The following ENPP3 variants were observed in gnomAD, a reference collection of about 807,000 sequenced individuals.
ENPP3 encodes ectonucleotide pyrophosphatase/phosphodiesterase 3, also known as ectonucleotide pyrophosphatase/phosphodiesterase family member 3.
ENPP3 carries 104 observed loss-of-function variants against 117.8 expected under a neutral mutation model. That is an observed-to-expected ratio of 0.88 (90% CI 0.75 to 1.04). ENPP3 has a LOEUF of 1.04. ENPP3 is among the 50% of genes least tolerant of loss of function. The pLI is 0.00. For synonymous variants in ENPP3, 380 were observed against 349.9 expected, an observed-to-expected ratio of 1.09 and a Z score of -0.96; for missense variants, 1,026 against 1,051.9, an observed-to-expected ratio of 0.98 and a Z score of 0.34.
intron 9 of ENPP3, chr6:131,675,443 G>T: frequency 2.7e-6 from 1 of 373,328 alleles, no homozygotes; most frequent in Non-Finnish European, 4.9e-6. Context: ...GTCATCTCTT[G>T]CCTGTATTAA....
At chr6:131,676,428 T>A (rs759357325) in intron 9 of ENPP3, among the ~76,000 whole-genome samples, 2 of 152,198 alleles carry the variant, frequency 1.3e-5, no homozygotes, top group Non-Finnish European at 2.9e-5. Context: ...ATGTTCAATA[T>A]ATGCATATGC....
chr6:131,652,456 A>G, intron 3 of ENPP3, 86 bp from the exon 4 acceptor site: 1 of 1,310,780 alleles, frequency 7.6e-7, no homozygotes, highest in Non-Finnish European at 1.1e-6. Context: ...TGATTGTGTT[A>G]TTATAATATA....
chr6:131,654,377 C>G (rs1189551617), intron 5 of ENPP3, among the ~76,000 whole-genome samples: 1 of 152,010 alleles, frequency 6.6e-6, no homozygotes, highest in Non-Finnish European at 1.5e-5. Context: ...CTGAACTCAA[C>G]TGATCCTCCT....
At chr6:131,687,617 T>G (rs1434763339) in intron 14 of ENPP3, among the ~76,000 whole-genome samples, 1 of 151,868 alleles carries the variant, frequency 6.6e-6, no homozygotes, top group Non-Finnish European at 1.5e-5. Context: ...AGGCCTAATA[T>G]CCAGAATCTA....
At chr6:131,640,153 T>G (rs921585070) in intron 1 of ENPP3, among the ~76,000 whole-genome samples, 1 of 152,206 alleles carries the variant, frequency 6.6e-6, no homozygotes, top group Non-Finnish European at 1.5e-5. Flanking sequence ...CTAGCAAGTT[T>G]GAACAGCAAA....
rs1485203018 is a variant in ENPP3, at chr6:131,747,012, A to G, written c.*56A>G. 2 of 944,828 alleles carry G rather than the reference A, an allele frequency of 2.1e-6. No individual in the cohort carries two copies. Among genetic ancestry groups the G allele is most frequent in the South Asian group, 2.8e-5 (1 of 36,304 alleles). 58.5% of individuals were successfully genotyped at this position (944,828 alleles called of 1,614,324 possible). On this transcript the variant is annotated 3_prime_UTR_variant, in exon 25 of 25. Coordinates refer to ENST00000357639, the MANE Select transcript of ENPP3 (RefSeq NM_005021.5). ...CTGTATAAAGTAATTTTGGCAAAATATAAGTGATTTTTTTCTGGAGAATTG... is the reference window on the plus strand; with the variant it reads ...CTGTATAAAGTAATTTTGGCAAAATGTAAGTGATTTTTTTCTGGAGAATTG...
chr6:131,743,119 G>C (rs1780562994), intron 24 of ENPP3, among the ~76,000 whole-genome samples: 1 of 152,022 alleles, frequency 6.6e-6, no homozygotes, highest in Non-Finnish European at 1.5e-5. Flanking sequence ...TTAGATATGG[G>C]GAAGGGAAAG....
At chr6:131,691,104 G>A (rs570421032) in intron 14 of ENPP3, among the ~76,000 whole-genome samples, 52 of 152,064 alleles carry the variant, frequency 3.4e-4, no homozygotes, top group African/African-American at 1.1e-3. Flanking sequence ...CCAAAGAAAT[G>A]GGCTACCATT....
At chr6:131,735,983 C>G (rs1250802122) in intron 21 of ENPP3, among the ~76,000 whole-genome samples, 1 of 152,156 alleles carries the variant, frequency 6.6e-6, no homozygotes, top group Non-Finnish European at 1.5e-5. Flanking sequence ...AGTGTTCTTA[C>G]CAAAATGAAA....
chr6:131,710,800 C>G (rs766138979), intron 15 of ENPP3: 3 of 1,613,548 alleles, frequency 1.9e-6, no homozygotes, highest in Admixed American at 3.3e-5. Context: ...TTGCTCTCTT[C>G]CCACATAAAG....
At chr6:131,729,311 A>C (rs1780224652) in intron 20 of ENPP3, among the ~76,000 whole-genome samples, 1 of 152,232 alleles carries the variant, frequency 6.6e-6, no homozygotes, top group African/African-American at 2.4e-5. Context: ...CCTTACCGTA[A>C]GGCAAAATTG....
At position 131,697,243 on chromosome 6, in the gene ENPP3, T is replaced by C. The variant is rs575107381; in HGVS notation, c.1412+3619T>C. On this transcript the variant is annotated intron_variant, in intron 15 of 24. Transcript: ENST00000357639. Reference sequence around the variant, plus strand: ...GACCTTGTCTGAAATGACTAAGGAGTGTGACTTTGATCTTGAAGAAAGTAG... The same window carrying C: ...GACCTTGTCTGAAATGACTAAGGAGCGTGACTTTGATCTTGAAGAAAGTAG... Among the ~76,000 whole-genome samples the C allele has an allele frequency of 3.9e-5, 6 of 151,904 alleles. No individual in the cohort carries two copies. The South Asian group carries it at 1.2e-3, about 32-fold the overall frequency.
At chr6:131,645,635 G>T (rs1382428558) in intron 2 of ENPP3, among the ~76,000 whole-genome samples, 1 of 152,280 alleles carries the variant, frequency 6.6e-6, no homozygotes, top group Non-Finnish European at 1.5e-5. Context: ...ATGTAAAGAC[G>T]CATCATTCTA....
At chr6:131,699,120 C>G (rs1488513701) in intron 15 of ENPP3, among the ~76,000 whole-genome samples, 11 of 147,124 alleles carry the variant, frequency 7.5e-5, no homozygotes, top group Non-Finnish European at 1.5e-4. Context: ...TGCCTGTAGT[C>G]CCAGCTACTT....
chr6:131,663,275 T>A (rs1484012084), intron 6 of ENPP3, among the ~76,000 whole-genome samples: 2 of 151,952 alleles, frequency 1.3e-5, no homozygotes, highest in Non-Finnish European at 2.9e-5. Context: ...ACTTTTCATA[T>A]AATCTTTATT....
At chr6:131,701,516 G>C (rs1225453091) in intron 15 of ENPP3, 304 of 526,628 alleles carry the variant, frequency 5.8e-4, no homozygotes, top group Non-Finnish European at 6.1e-5. Context: ...TGTTCAGACA[G>C]CTGCAGTGAG....
At chr6:131,657,365 C>G (rs1283010404) in intron 5 of ENPP3, among the ~76,000 whole-genome samples, 1 of 152,152 alleles carries the variant, frequency 6.6e-6, no homozygotes, top group Non-Finnish European at 1.5e-5. Flanking sequence ...AATCACTGTT[C>G]TGATTTCTAT....
At chr6:131,663,574 G>C (rs1778551262) in intron 6 of ENPP3, among the ~76,000 whole-genome samples, 1 of 147,364 alleles carries the variant, frequency 6.8e-6, no homozygotes, top group South Asian at 2.2e-4. Flanking sequence ...TGTGCCAGTA[G>C]TCCCAGCTAC....
At chr6:131,655,782 A>G (rs1394517672) in intron 5 of ENPP3, among the ~76,000 whole-genome samples, 1 of 152,218 alleles carries the variant, frequency 6.6e-6, no homozygotes, top group East Asian at 1.9e-4. Flanking sequence ...GAGAAATTAC[A>G]GGACTGATTT....
Sources: allele counts gnomAD v4.1 joint callset (sites outside exome capture counted in the v4.1 genomes callset), GRCh38; gene constraint gnomAD v4.1.1; transcripts MANE v1.5; gene names NCBI Gene and HGNC (gene_info 2026-07-23, HGNC 2026-07-21).